The following WDPCP variants were observed in gnomAD, a reference collection of about 807,000 sequenced individuals.
WDPCP encodes the protein WD repeat-containing and planar cell polarity effector protein fritz homolog.
A neutral mutation model predicts 93.1 loss-of-function variants in WDPCP; 71 were observed. That is an observed-to-expected ratio of 0.76 (90% CI 0.63 to 0.93). The LOEUF is 0.93. Among genes scored for constraint, WDPCP ranks in the 40% least tolerant of loss-of-function variants. The pLI is 0.00. For missense variants in WDPCP, 844 were observed against 887.4 expected (o/e 0.95, Z 0.62); for synonymous variants, 315 against 315.0 (o/e 1.00, Z 0.00).
chr2:63,337,889 T>C (rs1688503440), intron 12 of WDPCP, among the ~76,000 whole-genome samples: 1 of 152,226 alleles, frequency 6.6e-6, no homozygotes, highest in African/African-American at 2.4e-5. Flanking sequence ...TTATATATTC[T>C]GATTATTAAT....
intron 2 of WDPCP, among the ~76,000 whole-genome samples, chr2:63,714,782 T>A (rs1038737775): frequency 6.6e-6 from 1 of 152,100 alleles, no homozygotes; most frequent in Admixed American, 6.6e-5. Flanking sequence ...TGAGCCAAGA[T>A]TGCACCACTG....
At chr2:63,380,757 T>C (rs1211967140) in intron 11 of WDPCP, among the ~76,000 whole-genome samples, 3 of 152,018 alleles carry the variant, frequency 2.0e-5, no homozygotes. Context: ...TTTCCCGAGA[T>C]AAATTTTGAC....
At chr2:63,584,511 C>CAATG (rs1391846906) in intron 1 of WDPCP, among the ~76,000 whole-genome samples, 297 of 151,862 alleles carry the variant, frequency 2.0e-3, no homozygotes, top group Middle Eastern at 3.4e-3. Flanking sequence ...AATTCATTTT[C>CAATG]AATCAATCCA....
chr2:63,695,941 T>C lies in WDPCP; in HGVS notation n.309-45103A>G, dbSNP rs556089057. 7.2e-5 allele frequency among the ~76,000 whole-genome samples: 11 copies of C among 152,286 alleles called. No individual in the cohort carries two copies. In the South Asian group the frequency reaches 1.9e-3, roughly 26 times the overall value. ...TCTAAAAGAATATCCACTCACTTGA[T>C]AGAAACAAAGACCCCCTGGCACCAG... is the stretch of plus-strand genomic sequence containing the variant. On this transcript the variant is annotated intron_variant and non_coding_transcript_variant, in intron 2 of 4. Coordinates refer to the WDPCP transcript ENST00000467687.
intron 13 of WDPCP, among the ~76,000 whole-genome samples, chr2:63,265,581 A>G (rs1369415362): frequency 2.6e-5 from 4 of 152,188 alleles, no homozygotes; most frequent in Non-Finnish European, 2.9e-5. Flanking sequence ...GAATTATACC[A>G]AACACTGAAA....
At chr2:63,143,419 C>T (rs1220608285) in intron 17 of WDPCP, among the ~76,000 whole-genome samples, 1 of 152,108 alleles carries the variant, frequency 6.6e-6, no homozygotes, top group African/African-American at 2.4e-5. Flanking sequence ...CATTTACATT[C>T]AATGTTAGTA....
intron 6 of WDPCP, among the ~76,000 whole-genome samples, chr2:63,471,752 C>T (rs2105823741): frequency 6.6e-6 from 1 of 152,288 alleles, no homozygotes; most frequent in Non-Finnish European, 1.5e-5. Context: ...CACAGTCATT[C>T]TAAAACTTTG....
At position 63,622,976 on chromosome 2, in the gene WDPCP, G is replaced by T. The variant is rs1011760060; in HGVS notation, n.488+27683C>A. 3.1e-5 allele frequency: 21 copies of T among 670,480 alleles called. No homozygotes were observed. The African/African-American group carries it at 3.8e-4, about 12-fold the overall frequency. The allele number at this position is 670,480 out of a possible 1,614,324, so 41.5% of individuals were successfully genotyped here. On this transcript the variant is annotated intron_variant and non_coding_transcript_variant, in intron 3 of 4. Coordinates refer to the WDPCP transcript ENST00000467687. Reference sequence around the variant, plus strand: ...GTCACCACCGCACGGCGCCCAAGCAGCTGCTGCCGCCGCCATGAGTTGTCC... The same window carrying T: ...GTCACCACCGCACGGCGCCCAAGCATCTGCTGCCGCCGCCATGAGTTGTCC...
chr2:63,270,112 A>C (rs1268214505), intron 13 of WDPCP, among the ~76,000 whole-genome samples: 2 of 152,218 alleles, frequency 1.3e-5, no homozygotes, highest in African/African-American at 4.8e-5. Context: ...AGTTACGTTA[A>C]TAGAAATAAA....
rs912870606 is a variant in WDPCP, at chr2:63,492,467, A to G, written c.160+389T>C. On this transcript the variant is annotated intron_variant, in intron 2 of 17. Coordinates refer to ENST00000272321, the MANE Select transcript of WDPCP (RefSeq NM_015910.7). ...TGAAGAATCCCAGAAAAAAAATTGA[A>G]TATGTATCTTTTTTTTTTACCATTC... 6.6e-5 allele frequency among the ~76,000 whole-genome samples: 10 copies of G among 151,776 alleles called. No homozygotes were observed. The East Asian group carries it at 1.9e-3, about 29-fold the overall frequency.
At chr2:63,470,920 T>C (rs1375969025) in intron 6 of WDPCP, among the ~76,000 whole-genome samples, 1 of 152,208 alleles carries the variant, frequency 6.6e-6, no homozygotes, top group East Asian at 1.9e-4. Context: ...CCTGGAACGC[T>C]CTTCCGCAGG....
intron 2 of WDPCP, among the ~76,000 whole-genome samples, chr2:63,740,603 T>C (rs959518314): frequency 3.9e-5 from 6 of 152,180 alleles, no homozygotes; most frequent in African/African-American, 1.4e-4. Flanking sequence ...AAGTATATTA[T>C]GAATGGGAAG....
intron 6 of WDPCP, 99 bp downstream of exon 6, chr2:63,484,505 G>C: frequency 7.1e-7 from 1 of 1,404,102 alleles, no homozygotes; most frequent in Non-Finnish European, 1.0e-6. Context: ...TGCTAAAAAA[G>C]TTTTTGTCCA....
chr2:63,483,748 T>C (rs1203959722), intron 6 of WDPCP, among the ~76,000 whole-genome samples: 1 of 151,994 alleles, frequency 6.6e-6, no homozygotes, highest in East Asian at 1.9e-4. Flanking sequence ...TTACAATTAT[T>C]ATTAGAACTA....
intron 2 of WDPCP, among the ~76,000 whole-genome samples, chr2:63,804,450 T>C (rs551556892): frequency 6.6e-6 from 1 of 151,306 alleles, no homozygotes; most frequent in Non-Finnish European, 1.5e-5. Flanking sequence ...AGAGACTGGG[T>C]TTCACCGTGT....
At chr2:63,415,240 A>G (rs1695330206) in intron 9 of WDPCP, among the ~76,000 whole-genome samples, 1 of 152,132 alleles carries the variant, frequency 6.6e-6, no homozygotes, top group Non-Finnish European at 1.5e-5. Context: ...GCACGTACCT[A>G]TAATCCTAGC....
intron 2 of WDPCP, among the ~76,000 whole-genome samples, chr2:63,740,947 T>C (rs1003832045): frequency 6.6e-6 from 1 of 152,184 alleles, no homozygotes; most frequent in Non-Finnish European, 1.5e-5. Context: ...TGCTCATGCA[T>C]TCTTGGCACA....
rs1212802001 is a variant in WDPCP at position 63,221,839 on chromosome 2, C to A, written c.1915+37468G>T. Among the ~76,000 whole-genome samples, 3 of 152,224 alleles carry A rather than the reference C, an allele frequency of 2.0e-5. No individual in the cohort carries two copies. The East Asian group carries it at 5.8e-4, about 29-fold the overall frequency. ...TTGTGTAGAGAATTTATGACCAGAA[C>A]TCAAGCAAAACCTTGTATTTTTTTG... On this transcript the variant is annotated intron_variant, in intron 14 of 17. Transcript: ENST00000272321.
At chr2:63,211,820 G>A (rs532545062) in intron 14 of WDPCP, among the ~76,000 whole-genome samples, 3 of 152,262 alleles carry the variant, frequency 2.0e-5, no homozygotes, top group South Asian at 2.1e-4. Flanking sequence ...TATGTGATGC[G>A]TGCACAAGCT....
Sources: allele counts gnomAD v4.1 joint callset (sites outside exome capture counted in the v4.1 genomes callset), GRCh38; gene constraint gnomAD v4.1.1; transcripts MANE v1.5; gene names NCBI Gene and HGNC (gene_info 2026-07-23, HGNC 2026-07-21).